Variants in AKR1C8 observed in about 807,000 individuals in gnomAD.
The protein encoded by AKR1C8 is aldo-keto reductase family 1 member C8.
At chr10:5,149,918 TTACTC>T in the AKR1C8 span, among the ~76,000 whole-genome samples, 2 of 152,082 alleles carry the variant, frequency 1.3e-5, no homozygotes, top group African/African-American at 4.8e-5. Flanking sequence ...AAAGAATATT[TTACTC>T]AGTCACTGAA....
the AKR1C8 span, among the ~76,000 whole-genome samples, chr10:5,138,427 C>T: frequency 6.6e-6 from 1 of 152,014 alleles, no homozygotes; most frequent in African/African-American, 2.4e-5. Flanking sequence ...ACCCTGCAGG[C>T]AGTCAGACCT....
the AKR1C8 span, among the ~76,000 whole-genome samples, chr10:5,120,284 T>A: frequency 0.39 from 59,632 of 152,028 alleles, 12,499 homozygotes; most frequent in Non-Finnish European, 0.43. Flanking sequence ...GGTAAGACTC[T>A]GTGGCTCTCA....
At chr10:5,175,963 C>G in the AKR1C8 span, among the ~76,000 whole-genome samples, 2 of 152,048 alleles carry the variant, frequency 1.3e-5, 1 homozygote, top group Non-Finnish European at 2.9e-5. Context: ...TTTTGCTGTG[C>G]AAAAGCTCTT....
chr10:5,140,619 G>A, the AKR1C8 span, among the ~76,000 whole-genome samples: 106 of 151,896 alleles, frequency 7.0e-4, no homozygotes, highest in African/African-American at 2.0e-3. Context: ...GACACAGGGC[G>A]GGAAACATCA....
At chr10:5,182,728 A>G in the AKR1C8 span, among the ~76,000 whole-genome samples, 2 of 152,014 alleles carry the variant, frequency 1.3e-5, no homozygotes, top group Non-Finnish European at 2.9e-5. Context: ...TGGGCAACAT[A>G]GTGAAACCCT....
the AKR1C8 span, among the ~76,000 whole-genome samples, chr10:5,142,487 TG>T: frequency 1.3e-5 from 2 of 152,290 alleles, no homozygotes; most frequent in African/African-American, 4.8e-5. Flanking sequence ...AGCTTAATCA[TG>T]TGTAGCTTTT....
chr10:5,123,792 C>G, the AKR1C8 span: 2 of 1,613,142 alleles, frequency 1.2e-6, no homozygotes, highest in Non-Finnish European at 1.7e-6. Context: ...CAGCAGTTTG[C>G]TCTGGTTGAG....
At chr10:5,119,604 C>T in the AKR1C8 span, among the ~76,000 whole-genome samples, 1 of 152,148 alleles carries the variant, frequency 6.6e-6, no homozygotes, top group Non-Finnish European at 1.5e-5. Context: ...CAAACATCCT[C>T]ATATTCAAAT....
the AKR1C8 span, among the ~76,000 whole-genome samples, chr10:5,166,773 C>A: frequency 5.7e-3 from 863 of 152,028 alleles, 8 homozygotes; most frequent in East Asian, 0.019. Flanking sequence ...GCAACAAAAG[C>A]CAAAATTGAC....
At chr10:5,147,952 T>C in the AKR1C8 span, among the ~76,000 whole-genome samples, 1 of 152,182 alleles carries the variant, frequency 6.6e-6, no homozygotes, top group Non-Finnish European at 1.5e-5. Flanking sequence ...CACCCATGCA[T>C]TAGGCTTCTG....
the AKR1C8 span, among the ~76,000 whole-genome samples, chr10:5,175,368 C>G: frequency 1.5e-3 from 227 of 152,064 alleles, 1 homozygote; most frequent in African/African-American, 5.2e-3. Flanking sequence ...CTTAGTCCAG[C>G]CTATCATTGT....
chr10:5,165,092 C>A, the AKR1C8 span, among the ~76,000 whole-genome samples: 1 of 152,088 alleles, frequency 6.6e-6, no homozygotes, highest in Non-Finnish European at 1.5e-5. Context: ...TCTAAATTTT[C>A]ACCTAATAAG....
At chr10:5,126,812 A>C in the AKR1C8 span, among the ~76,000 whole-genome samples, 59,348 of 151,538 alleles carry the variant, frequency 0.39, 12,370 homozygotes, top group Non-Finnish European at 0.43. Context: ...TGATACAAAG[A>C]CTCTCTATAA....
chr10:5,139,403 C>G, the AKR1C8 span, among the ~76,000 whole-genome samples: 17 of 152,288 alleles, frequency 1.1e-4, no homozygotes, highest in African/African-American at 4.1e-4. Context: ...TCAAACTATA[C>G]TACAAGGCTA....
chr10:5,122,624 G>T, the AKR1C8 span, among the ~76,000 whole-genome samples: 5 of 152,066 alleles, frequency 3.3e-5, no homozygotes, highest in African/African-American at 1.2e-4. Flanking sequence ...TTAAGCAAGA[G>T]AAATTTATTC....
the AKR1C8 span, among the ~76,000 whole-genome samples, chr10:5,119,123 C>A: frequency 1.3e-4 from 20 of 152,140 alleles, no homozygotes; most frequent in African/African-American, 4.6e-4. Context: ...AAACTCAAGG[C>A]ATTTACATTT....
chr10:5,132,425 G>A, the AKR1C8 span, among the ~76,000 whole-genome samples: 3 of 152,186 alleles, frequency 2.0e-5, no homozygotes, highest in African/African-American at 4.8e-5. Flanking sequence ...ACACAACAAT[G>A]ATGAGAAAGA....
chr10:5,168,718 G>C, the AKR1C8 span, among the ~76,000 whole-genome samples: 1 of 151,956 alleles, frequency 6.6e-6, no homozygotes, highest in Non-Finnish European at 1.5e-5. Context: ...GGCTGAAAAA[G>C]AAAACCAGTA....
the AKR1C8 span, chr10:5,123,585 G>A: frequency 3.6e-5 from 32 of 887,762 alleles, no homozygotes; most frequent in Middle Eastern, 3.0e-4. Context: ...CTGGGATCTC[G>A]TCAGAAATGC....
Sources: gnomAD v4.1 joint callset for allele counts (sites outside exome capture counted in the v4.1 genomes callset) on GRCh38, gnomAD v4.1.1 for gene constraint, MANE v1.5 for transcripts, NCBI Gene and HGNC (gene_info 2026-07-23, HGNC 2026-07-21) for gene names.